Variants in HCFC2 observed in about 807,000 individuals in gnomAD.
HCFC2 encodes the protein host cell factor C2.
A neutral mutation model predicts 89.2 loss-of-function variants in HCFC2; 18 were observed. That is an observed-to-expected ratio of 0.20 (90% confidence interval 0.14 to 0.30). The LOEUF (loss-of-function observed/expected upper bound fraction) is 0.30, where lower values mean the gene tolerates loss of function less well. HCFC2 is among the 10% of genes least tolerant of loss of function. HCFC2 has a pLI of 1.00. For synonymous variants in HCFC2, 308 were observed against 335.7 expected (o/e 0.92, Z 0.90); for missense variants, 578 against 956.1 (o/e 0.60, Z 5.21).
At position 104,106,226 on chromosome 12, in the gene HCFC2, A is replaced by C. The variant is rs1054715609; in HGVS notation, c.*2953A>C. Reference sequence around the variant, plus strand: ...GATCTATTATTTCAAAGACTTGTAGACTAGCAAAGATTCATTCTGATTAGA... The same window carrying C: ...GATCTATTATTTCAAAGACTTGTAGCCTAGCAAAGATTCATTCTGATTAGA... On this transcript the variant is annotated 3_prime_UTR_variant, in exon 15 of 15. Coordinates refer to ENST00000229330, the MANE Select transcript of HCFC2 (RefSeq NM_013320.3). 9 of 152,196 alleles carry C rather than the reference A, an allele frequency of 5.9e-5. No individual in the cohort carries two copies. Among genetic ancestry groups the C allele is most frequent in the African/African-American group, 1.9e-4 (8 of 41,470 alleles). 9.4% of individuals were successfully genotyped at this position (152,196 alleles called of 1,614,324 possible).
Position 104,068,223 on chromosome 12 carries a change from A to T in HCFC2, c.473+116A>T. 3.7e-6 allele frequency: 3 copies of T among 802,082 alleles called. No homozygotes were observed. The highest frequency in any genetic ancestry group is 5.6e-6 in the Non-Finnish European group (3 of 539,952). The allele number at this position is 802,082 out of a possible 1,614,324, so 49.7% of individuals were successfully genotyped here. ...TGCTTAGCTTTTTGCATTTCAACCT[A>T]ACAGTGGACAGATTTGTGTGTGTTT... On this transcript the variant is annotated intron_variant, in intron 3 of 14. Coordinates refer to ENST00000229330, the MANE Select transcript of HCFC2 (RefSeq NM_013320.3). This position sits in a 1 kb window ranked among gnomAD's most constrained non-coding sequence, Gnocchi z 4.1.
At chr12:104,080,940 CA>C in intron 5 of HCFC2, 110 bp downstream of exon 5, 1 of 663,988 alleles carries the variant, frequency 1.5e-6, no homozygotes, top group Non-Finnish European at 2.5e-6. Flanking sequence ...TGAAACTTAA[CA>C]AAGTTTGATT....
intron 9 of HCFC2, among the ~76,000 whole-genome samples, chr12:104,093,069 C>G (rs1884068915): frequency 6.6e-6 from 1 of 152,126 alleles, no homozygotes; most frequent in Admixed American, 6.6e-5. Flanking sequence ...GCTTTGTTCT[C>G]TCCTGTGTTA....
rs35657094 is a variant in HCFC2, at chr12:104,075,457, C to CTTT, written c.474-3972_474-3970dup. ...ATTTCTTTCAACTTTTGTTCCTAACCTTTTTTTTTTTTTTTTTTAGAGGCA... is the reference window on the plus strand; with the variant it reads ...ATTTCTTTCAACTTTTGTTCCTAACCTTTTTTTTTTTTTTTTTTTTTAGAGGCA... On this transcript the variant is annotated intron_variant, in intron 3 of 14. Transcript: ENST00000229330. Among the ~76,000 whole-genome samples, 93 of 118,030 alleles carry CTTT rather than the reference C, an allele frequency of 7.9e-4. 3 individuals carry two copies. The highest frequency in any genetic ancestry group is 5.5e-3 in the South Asian group (20 of 3,614). 77.4% of individuals were successfully genotyped at this position (118,030 alleles called of 152,430 possible).
intron 2 of HCFC2, among the ~76,000 whole-genome samples, chr12:104,067,204 C>G (rs1408807601): frequency 6.6e-6 from 1 of 152,232 alleles, no homozygotes; most frequent in Non-Finnish European, 1.5e-5. Context: ...ATCACCATGC[C>G]TGGCCCCTAG....
chr12:104,069,452 C>T (rs1883251675), intron 3 of HCFC2, among the ~76,000 whole-genome samples: 1 of 151,126 alleles, frequency 6.6e-6, no homozygotes, highest in Admixed American at 6.6e-5. Flanking sequence ...TCCCCATTTC[C>T]TTCCCTTCCT....
chr12:104,085,354 A>G (rs1271470841), intron 7 of HCFC2, among the ~76,000 whole-genome samples: 3 of 152,216 alleles, frequency 2.0e-5, no homozygotes, highest in African/African-American at 7.2e-5. Context: ...AAAAAAATAT[A>G]GAAAATTCAA....
At chr12:104,066,856 C>T (rs147342484) in intron 2 of HCFC2, among the ~76,000 whole-genome samples, 7,159 of 152,322 alleles carry the variant, frequency 0.047, 188 homozygotes, top group South Asian at 0.11. Flanking sequence ...CGCGCAATCT[C>T]GGCTCACTGC....
In HCFC2 at chr12:104,095,314, A is replaced by C; in HGVS notation, c.1463-46A>C. 83 of 1,327,110 alleles carry C rather than the reference A, an allele frequency of 6.3e-5. No individual in the cohort carries two copies. Among genetic ancestry groups the C allele is most frequent in the Non-Finnish European group, 7.3e-5 (68 of 925,202 alleles). The allele number at this position is 1,327,110 out of a possible 1,614,324, so 82.2% of individuals were successfully genotyped here. ...ACAAGAACGATAAGACACAACAATT[A>C]TCTGCAGATATCATATTAATAATTA... On this transcript the variant is annotated intron_variant, in intron 10 of 14. Transcript: ENST00000229330. The surrounding 1 kb of genome is among the most constrained non-coding windows in gnomAD (Gnocchi z 4.2).
chr12:104,090,048 C>G (rs1209467090), intron 9 of HCFC2, among the ~76,000 whole-genome samples: 3 of 152,098 alleles, frequency 2.0e-5, no homozygotes, highest in Admixed American at 2.0e-4. Context: ...TTATCTCTTT[C>G]CTGTGTTACA....
At position 104,079,519 on chromosome 12, in the gene HCFC2, A is replaced by G; in HGVS notation, c.548A>G (p.Lys183Arg). The change falls in exon 4 of 15, where the codon AAA becomes AGA. Residue 183 changes from lysine (K) to arginine (R), a missense_variant. Lys to Arg is a conservative substitution (Grantham distance 26). Around this residue, in one of 4 missense-constraint regions of HCFC2, gnomAD observed 206 missense variants for 419.2 expected, o/e 0.49. Coordinates refer to ENST00000229330, the MANE Select transcript of HCFC2 (RefSeq NM_013320.3). ...GVVGWSIPVT[K>R]GVVPSPRESH... ...GTGGGTTGGAGCATTCCAGTGACTA[A>G]AGGGGTTGTGCCTTCTCCAAGAGAA... 1 of 1,614,092 alleles carries G rather than the reference A, an allele frequency of 6.2e-7. No homozygotes were observed. Among genetic ancestry groups the G allele is most frequent in the Non-Finnish European group, 8.5e-7 (1 of 1,179,970 alleles).
chr12:104,095,715 C>T lies in HCFC2; in HGVS notation c.1666+152C>T. The T allele has an allele frequency of 3.3e-6, 2 of 615,242 alleles. No individual in the cohort carries two copies. The allele number at this position is 615,242 out of a possible 1,614,324, so 38.1% of individuals were successfully genotyped here. A position where few individuals can be genotyped will look rare whatever the true frequency, so the allele number is the denominator to read the frequency against. On this transcript the variant is annotated intron_variant, in intron 11 of 14. Coordinates refer to ENST00000229330, the MANE Select transcript of HCFC2 (RefSeq NM_013320.3). The surrounding 1 kb of genome is among the most constrained non-coding windows in gnomAD (Gnocchi z 4.2). ...TCTGTGAGCAAGAGTTTTCATTTGA[C>T]CTAAATTTAACTTTTAGAATCTTTA... is the stretch of plus-strand genomic sequence containing the variant.
intron 3 of HCFC2, among the ~76,000 whole-genome samples, chr12:104,075,483 G>A (rs1425807085): frequency 1.7e-5 from 2 of 117,564 alleles, no homozygotes; most frequent in African/African-American, 6.5e-5. Context: ...TTTAGAGGCA[G>A]AATCTCATTC....
chr12:104,098,362 C>T lies in HCFC2; in HGVS notation c.1760C>T (p.Pro587Leu). The stretch of plus-strand genomic sequence containing the variant: ...AATTAGAAAGAGACTCCTTCAAATC[C>T]AGTGGCCACAGTGAAAGCGGGAGAA... ...TPFSKETPSN[P>L]VATVKAGERQ... is the part of the protein sequence containing the mutation. The change falls in exon 13 of 15, where the codon CCA becomes CTA. Residue 587 changes from proline (P) to leucine (L), a missense_variant. Pro to Leu is a moderately conservative substitution (Grantham distance 98, BLOSUM62 -3). This residue lies in a region of HCFC2 where 140 missense variants were observed against 266.4 expected (regional missense o/e 0.53). Coordinates refer to ENST00000229330, the MANE Select transcript of HCFC2 (RefSeq NM_013320.3). The T allele has an allele frequency of 1.2e-6, 2 of 1,604,186 alleles. No individual in the cohort carries two copies. Among genetic ancestry groups the T allele is most frequent in the Non-Finnish European group, 8.5e-7 (1 of 1,177,098 alleles).
At chr12:104,093,125 G>GT (rs1277932721) in intron 9 of HCFC2, among the ~76,000 whole-genome samples, 1 of 151,828 alleles carries the variant, frequency 6.6e-6, no homozygotes, top group Admixed American at 6.6e-5. Flanking sequence ...CTAAAATGTA[G>GT]TTTTTTTTCC....
chr12:104,079,669 T>G lies in HCFC2; in HGVS notation c.682+16T>G. 1.9e-5 allele frequency: 30 copies of G among 1,594,728 alleles called. No homozygotes were observed. Among genetic ancestry groups the G allele is most frequent in the Non-Finnish European group, 2.6e-5 (30 of 1,162,738 alleles). On this transcript the variant is annotated intron_variant, in intron 4 of 14. Transcript: ENST00000229330. ...CTTGACTTAGGTAAGTTTAACTTGA[T>G]TCAGGCTCAGGAATAGGGCAAATTA...
rs1566221430 is a variant in HCFC2 at position 104,064,764 on chromosome 12, T to G, written c.163+41T>G. ...GCTCGTCGGCCCCGCCTGCTGGAGC[T>G]GCGGAGGGGGAGGGGAGGCGAGGCG... On this transcript the variant is annotated intron_variant, in intron 1 of 14. Transcript: ENST00000229330. The surrounding 1 kb of genome is among the most constrained non-coding windows in gnomAD (Gnocchi z 7.3). 6.5e-7 allele frequency: 1 copy of G among 1,529,160 alleles called. No individual in the cohort carries two copies. 94.7% of individuals were successfully genotyped at this position (1,529,160 alleles called of 1,614,324 possible). A position where few individuals can be genotyped will look rare whatever the true frequency, so the allele number is the denominator to read the frequency against.
chr12:104,090,393 C>G (rs1040121252), intron 9 of HCFC2, among the ~76,000 whole-genome samples: 9 of 152,060 alleles, frequency 5.9e-5, no homozygotes, highest in African/African-American at 2.2e-4. Flanking sequence ...CAATGGTGTG[C>G]CTTAGAGTGC....
intron 9 of HCFC2, among the ~76,000 whole-genome samples, chr12:104,089,510 C>T (rs2700506): frequency 3.3e-5 from 5 of 152,124 alleles, no homozygotes; most frequent in East Asian, 1.9e-4. Flanking sequence ...AGCAAGACTC[C>T]GTCTCAAAAA....
Sources: allele counts gnomAD v4.1 joint callset (sites outside exome capture counted in the v4.1 genomes callset), GRCh38; gene constraint gnomAD v4.1.1; regional missense constraint gnomAD v4.1.1; non-coding constraint Gnocchi (gnomAD v3.1); transcripts MANE v1.5; gene names NCBI Gene and HGNC (gene_info 2026-07-23, HGNC 2026-07-21).